MTHFD2: variants seen among roughly 807,000 people sequenced by gnomAD.
MTHFD2 encodes the protein methylenetetrahydrofolate dehydrogenase (NADP+ dependent) 2, methenyltetrahydrofolate cyclohydrolase, also known as bifunctional methylenetetrahydrofolate dehydrogenase/cyclohydrolase, mitochondrial.
Under a neutral mutation model 36.8 loss-of-function variants are expected in MTHFD2, and 26 were observed. That is an observed-to-expected ratio of 0.71 (90% CI 0.52 to 0.98). The LOEUF (loss-of-function observed/expected upper bound fraction) is 0.98, where lower values mean the gene tolerates loss of function less well. Ranked by LOEUF, MTHFD2 falls within the 50% of genes least tolerant of loss-of-function variation. The pLI is 0.00. For missense variants in MTHFD2, 373 were observed against 434.0 expected, an observed-to-expected ratio of 0.86 and a Z score of 1.25; for synonymous variants, 164 against 155.2, an observed-to-expected ratio of 1.06 and a Z score of -0.42.
intron 1 of MTHFD2, 128 bp downstream of exon 1, chr2:74,198,870 G>T (rs980821318): frequency 2.3e-6 from 2 of 871,432 alleles, no homozygotes; most frequent in African/African-American, 3.5e-5. Flanking sequence ...GGTGGTGGCC[G>T]CTGAGGGGTG....
intron 1 of MTHFD2, among the ~76,000 whole-genome samples, chr2:74,199,256 C>G (rs1404024823): frequency 6.6e-6 from 1 of 152,152 alleles, no homozygotes; most frequent in East Asian, 1.9e-4. Flanking sequence ...CCCGCGCCGC[C>G]CTCCTCCCTC....
At chr2:74,199,083 C>G (rs566562585) in intron 1 of MTHFD2, among the ~76,000 whole-genome samples, 37 of 152,264 alleles carry the variant, frequency 2.4e-4, no homozygotes, top group African/African-American at 8.2e-4. Context: ...CGGAGCCTTC[C>G]GACAGCGCCG....
chr2:74,206,303 C>G (rs1202394038), intron 2 of MTHFD2: 1 of 156,068 alleles, frequency 6.4e-6, no homozygotes, highest in East Asian at 1.9e-4. Context: ...GTGATGAGGT[C>G]AGGAACACAG....
rs189513995 is a variant in MTHFD2, at chr2:74,209,927, C to T, written c.563-15C>T. The T allele has an allele frequency of 1.3e-5, 21 of 1,603,174 alleles. No homozygotes were observed. In the Admixed American group the frequency reaches 3.4e-4, roughly 26 times the overall value. Reference sequence around the variant, plus strand: ...ACTGGCACTACTTTTAATGTCAATACATATATTTTTATAGGCATTCCAACC... The same window carrying T: ...ACTGGCACTACTTTTAATGTCAATATATATATTTTTATAGGCATTCCAACC... On this transcript the variant is annotated splice_polypyrimidine_tract_variant and intron_variant, in intron 4 of 7. Coordinates refer to ENST00000394053, the MANE Select transcript of MTHFD2 (RefSeq NM_006636.4).
chr2:74,209,971 G>A lies in MTHFD2; in HGVS notation c.592G>A (p.Val198Met). ...TCCAACCCTAGGGAAGAATGTGGTT[G>A]TGGCTGGAAGGTCAAAAAACGTTGG... The part of the protein sequence containing the change: ...GIPTLGKNVV[V>M]AGRSKNVGMP... Residue 198 changes from valine (V) to methionine (M), a missense_variant, in exon 5 of 8, where the codon GTG (valine) becomes ATG (methionine). This residue lies in a region of MTHFD2 where 308 missense variants were observed against 397.8 expected (regional missense o/e 0.77). Coordinates refer to ENST00000394053, the MANE Select transcript of MTHFD2 (RefSeq NM_006636.4). The A allele has an allele frequency of 6.2e-7, 1 of 1,613,320 alleles. No homozygotes were observed. The highest frequency in any genetic ancestry group is 1.1e-5 in the South Asian group (1 of 90,992).
At chr2:74,214,043 T>A (rs369132396) in intron 7 of MTHFD2, 36 bp from the exon 8 acceptor site, 1 of 1,600,716 alleles carries the variant, frequency 6.2e-7, no homozygotes, top group Non-Finnish European at 8.5e-7. Flanking sequence ...TCCTTTGCCA[T>A]AACTAAAGCA....
Position 74,209,957 on chromosome 2 carries a change from G to GA in MTHFD2, c.578_579insA (p.Lys194GlufsTer27), listed in dbSNP as rs1385904331. ...ATTTTTATAGGCATTCCAACCCTAG[G>GA]GAAGAATGTGGTTGTGGCTGGAAGG... On this transcript the variant is annotated frameshift_variant, in exon 5 of 8. Coordinates refer to ENST00000394053, the MANE Select transcript of MTHFD2 (RefSeq NM_006636.4). LOFTEE classifies it high-confidence loss of function. 6.2e-7 allele frequency: 1 copy of GA among 1,612,826 alleles called. No homozygotes were observed. The highest frequency in any genetic ancestry group is 2.2e-5 in the East Asian group (1 of 44,850).
chr2:74,200,632 G>C (rs1483732942), intron 1 of MTHFD2, among the ~76,000 whole-genome samples: 1 of 151,922 alleles, frequency 6.6e-6, no homozygotes, highest in Non-Finnish European at 1.5e-5. Context: ...GAGACAGTGG[G>C]ATTAGGAAGT....
chr2:74,205,620 A>G, intron 1 of MTHFD2, 85 bp from the exon 2 acceptor site: 3 of 1,450,454 alleles, frequency 2.1e-6, no homozygotes, highest in Non-Finnish European at 2.8e-6. Context: ...CTGGGATTAC[A>G]GGCATAAGCC....
chr2:74,210,103 T>C, intron 5 of MTHFD2, 54 bp downstream of exon 5: 1 of 1,423,300 alleles, frequency 7.0e-7, no homozygotes, highest in Non-Finnish European at 9.8e-7. Context: ...GTAAGAACTT[T>C]CAGAAGCCAT....
intron 7 of MTHFD2, 120 bp from the exon 8 acceptor site, chr2:74,213,954 GTGATT>G: frequency 1.0e-6 from 1 of 995,342 alleles, no homozygotes; most frequent in East Asian, 2.5e-5. Flanking sequence ...TGATGTAGAT[GTGATT>G]TTTGAGTTTT....
intron 4 of MTHFD2, among the ~76,000 whole-genome samples, chr2:74,209,453 G>A (rs902957444): frequency 4.0e-5 from 6 of 151,740 alleles, no homozygotes; most frequent in Non-Finnish European, 7.4e-5. Flanking sequence ...GGGTTTCACC[G>A]TGTTAGCCAG....
At chr2:74,205,126 ATTG>A (rs1348716858) in intron 1 of MTHFD2, among the ~76,000 whole-genome samples, 2 of 152,010 alleles carry the variant, frequency 1.3e-5, no homozygotes, top group African/African-American at 2.4e-5. Context: ...CCCGGCCTAT[ATTG>A]TTTGTTTATT....
rs1310360979 is a variant in MTHFD2, at chr2:74,211,307, G to A, written c.763+16G>A. The A allele has an allele frequency of 4.6e-6, 7 of 1,527,712 alleles. No individual in the cohort carries two copies. Among genetic ancestry groups the A allele is most frequent in the Non-Finnish European group, 4.5e-6 (5 of 1,105,664 alleles). 94.6% of individuals were successfully genotyped at this position (1,527,712 alleles called of 1,614,324 possible). A position where few individuals can be genotyped will look rare whatever the true frequency, so the allele number is the denominator to read the frequency against. On this transcript the variant is annotated intron_variant, in intron 6 of 7. Coordinates refer to ENST00000394053, the MANE Select transcript of MTHFD2 (RefSeq NM_006636.4). Reference sequence around the variant, plus strand: ...TCTGCTGCAGGTAAGAACACAAGGGGGATGGAGGGAAGGACTTCACCTCAG... The same window carrying A: ...TCTGCTGCAGGTAAGAACACAAGGGAGATGGAGGGAAGGACTTCACCTCAG...
intron 4 of MTHFD2, 132 bp from the exon 5 acceptor site, chr2:74,209,810 C>A (rs894222614): frequency 1.0e-5 from 6 of 576,840 alleles, no homozygotes; most frequent in Non-Finnish European, 1.8e-5. Flanking sequence ...TTTCTTTTAG[C>A]CCTTATTATG....
chr2:74,217,070 G>A lies in MTHFD2; in HGVS notation c.*2828G>A, dbSNP rs1694467593. 6.6e-6 allele frequency: 1 copy of A among 152,176 alleles called. No individual in the cohort carries two copies. The highest frequency in any genetic ancestry group is 6.5e-5 in the Admixed American group (1 of 15,282). The allele number at this position is 152,176 out of a possible 1,614,324, so 9.4% of individuals were successfully genotyped here. A position where few individuals can be genotyped will look rare whatever the true frequency, so the allele number is the denominator to read the frequency against. On this transcript the variant is annotated 3_prime_UTR_variant, in exon 8 of 8. Transcript: ENST00000394053. Reference sequence around the variant, plus strand: ...CTTATTGAGAGCTTTCTATGGACCAGGCACTACACTAGACGCTGGGAATTA... The same window carrying A: ...CTTATTGAGAGCTTTCTATGGACCAAGCACTACACTAGACGCTGGGAATTA...
At chr2:74,205,171 C>T (rs546556818) in intron 1 of MTHFD2, among the ~76,000 whole-genome samples, 4 of 152,154 alleles carry the variant, frequency 2.6e-5, no homozygotes, top group African/African-American at 9.6e-5. Flanking sequence ...CGATTTAAAC[C>T]ACCATAAAAA....
intron 1 of MTHFD2, among the ~76,000 whole-genome samples, chr2:74,201,015 TCTTA>T (rs1694032018): frequency 6.6e-6 from 1 of 152,166 alleles, no homozygotes; most frequent in East Asian, 1.9e-4. Flanking sequence ...TGAGACGGAG[TCTTA>T]CTTTGTTGCC....
chr2:74,211,829 T>G lies in MTHFD2; in HGVS notation c.852T>G (p.Thr284=), dbSNP rs759420238. ...TAAATAGAGTTCACGATCCTGTAAC[T>G]GCCAAACCCAAGTTGGTTGGAGATG... ...VGINRVHDPV[T]AKPKLVGDVD... is the part of the protein sequence containing the mutation. Residue 284 remains threonine (T), a synonymous_variant, in exon 7 of 8, where the codon ACT becomes ACG. Transcript: ENST00000394053. 1 of 1,611,184 alleles carries G rather than the reference T, an allele frequency of 6.2e-7. No individual in the cohort carries two copies. Among genetic ancestry groups the G allele is most frequent in the Non-Finnish European group, 8.5e-7 (1 of 1,179,540 alleles).
Sources: allele counts gnomAD v4.1 joint callset (sites outside exome capture counted in the v4.1 genomes callset), GRCh38; gene constraint gnomAD v4.1.1; regional missense constraint gnomAD v4.1.1; transcripts MANE v1.5; gene names NCBI Gene and HGNC (gene_info 2026-07-23, HGNC 2026-07-21).